The following DGKG variants were observed in gnomAD, a reference collection of about 807,000 sequenced individuals.
The protein encoded by DGKG is diacylglycerol kinase gamma.
A neutral mutation model predicts 105.3 loss-of-function variants in DGKG; 78 were observed. The ratio of observed to expected loss-of-function variants is 0.74; its 90% CI spans 0.62 to 0.89. The LOEUF is 0.89. DGKG is among the 40% of genes least tolerant of loss of function. The pLI is 0.00. For synonymous variants in DGKG, 346 were observed against 367.1 expected (o/e 0.94, Z 0.66); for missense variants, 958 against 1,020.1 (o/e 0.94, Z 0.83).
chr3:186,220,736 T>A (rs2108529030), intron 20 of DGKG, among the ~76,000 whole-genome samples: 1 of 152,148 alleles, frequency 6.6e-6, no homozygotes, highest in Non-Finnish European at 1.5e-5. Context: ...TGTCCCAGAG[T>A]AACAAAGGGC....
intron 5 of DGKG, among the ~76,000 whole-genome samples, chr3:186,295,389 C>T (rs1723500844): frequency 6.6e-6 from 1 of 151,900 alleles, no homozygotes; most frequent in African/African-American, 2.4e-5. Context: ...GTAGTCCCAG[C>T]TACTCGAGAG....
At chr3:186,175,939 A>G (rs1578623691) in intron 22 of DGKG, among the ~76,000 whole-genome samples, 1 of 152,340 alleles carries the variant, frequency 6.6e-6, no homozygotes, top group East Asian at 1.9e-4. Context: ...CTCAGAGGCT[A>G]AGAAACTTGC....
chr3:186,162,790 C>A (rs1716362504), intron 23 of DGKG, among the ~76,000 whole-genome samples: 1 of 152,158 alleles, frequency 6.6e-6, no homozygotes, highest in Non-Finnish European at 1.5e-5. Context: ...GATCTGCCTG[C>A]CTTGGCCTCC....
At chr3:186,180,217 G>A (rs1051939817) in intron 22 of DGKG, among the ~76,000 whole-genome samples, 4 of 152,166 alleles carry the variant, frequency 2.6e-5, no homozygotes, top group African/African-American at 9.7e-5. Context: ...GGTACGGGGA[G>A]GAGGCAGTGT....
chr3:186,236,526 G>A (rs563611903), intron 20 of DGKG, among the ~76,000 whole-genome samples: 9 of 152,280 alleles, frequency 5.9e-5, no homozygotes, highest in East Asian at 5.8e-4. Flanking sequence ...GCTAATAAGC[G>A]GCAAAGCCAA....
chr3:186,181,615 C>A (rs1020476903), intron 22 of DGKG, among the ~76,000 whole-genome samples: 4 of 152,168 alleles, frequency 2.6e-5, no homozygotes, highest in African/African-American at 7.2e-5. Context: ...CACCTGTAAT[C>A]CCAGCTACCT....
chr3:186,291,653 G>A (rs1435193644), intron 5 of DGKG, among the ~76,000 whole-genome samples: 2 of 145,556 alleles, frequency 1.4e-5, no homozygotes, highest in East Asian at 4.6e-4. Context: ...AGTAGAGAGT[G>A]TATGATAACA....
chr3:186,259,409 G>A (rs1408897145), intron 16 of DGKG, among the ~76,000 whole-genome samples: 2 of 152,198 alleles, frequency 1.3e-5, no homozygotes, highest in Non-Finnish European at 2.9e-5. Flanking sequence ...GGTGTACAGA[G>A]GTGGGCTCTG....
chr3:186,247,235 C>T (rs768020769), intron 19 of DGKG, among the ~76,000 whole-genome samples: 5 of 152,172 alleles, frequency 3.3e-5, no homozygotes, highest in Non-Finnish European at 5.9e-5. Flanking sequence ...GGCACAGTCA[C>T]TCCCTGGAGA....
At chr3:186,338,169 C>CAA (rs34436386) in intron 1 of DGKG, among the ~76,000 whole-genome samples, 2,145 of 75,696 alleles carry the variant, frequency 0.028, 73 homozygotes, top group African/African-American at 0.086. Context: ...GACCCTATCT[C>CAA]AAAAAAAAAA....
intron 20 of DGKG, among the ~76,000 whole-genome samples, chr3:186,218,705 T>C (rs1719425567): frequency 6.6e-6 from 1 of 152,072 alleles, no homozygotes. Context: ...AAATATATTT[T>C]CATGTAAAAT....
chr3:186,238,527 G>A (rs1035112654), intron 20 of DGKG, among the ~76,000 whole-genome samples: 8 of 151,936 alleles, frequency 5.3e-5, no homozygotes, highest in Admixed American at 6.6e-5. Flanking sequence ...TGAAGGCAGG[G>A]GCCACATCTT....
intron 1 of DGKG, among the ~76,000 whole-genome samples, chr3:186,349,995 A>G (rs1726549798): frequency 6.6e-6 from 1 of 151,546 alleles, no homozygotes; most frequent in South Asian, 2.1e-4. Context: ...AGCGATTCTC[A>G]TGCCTCAGCC....
Position 186,355,468 on chromosome 3 carries a change from AC to A in DGKG, c.-249+6477del, listed in dbSNP as rs1329115731. 2.0e-5 allele frequency among the ~76,000 whole-genome samples: 3 copies of A among 148,782 alleles called. No individual in the cohort carries two copies. The East Asian group carries it at 6.0e-4, about 30-fold the overall frequency. On this transcript the variant is annotated intron_variant, in intron 1 of 24. Transcript: ENST00000265022. Reference sequence around the variant, plus strand: ...TATGATCATCACCACCATTATCATAACCCCCACAACCACTACCATCACCACT... The same window carrying A: ...TATGATCATCACCACCATTATCATAACCCCACAACCACTACCATCACCACT...
At chr3:186,158,018 A>C (rs1310543507) in intron 24 of DGKG, 1 of 261,068 alleles carries the variant, frequency 3.8e-6, no homozygotes, top group African/African-American at 2.3e-5. Flanking sequence ...TTATATTTAA[A>C]TAAAGCCACG....
intron 20 of DGKG, among the ~76,000 whole-genome samples, chr3:186,234,862 A>G (rs1720337855): frequency 6.6e-6 from 1 of 152,228 alleles, no homozygotes; most frequent in African/African-American, 2.4e-5. Flanking sequence ...TAGGGCAGGG[A>G]GAACTGCATA....
At chr3:186,247,991 CCCTTCCTTCCTT>C (rs561438259) in intron 19 of DGKG, among the ~76,000 whole-genome samples, 1 of 150,936 alleles carries the variant, frequency 6.6e-6, no homozygotes, top group Non-Finnish European at 1.5e-5. Flanking sequence ...CTTCCTTCCT[CCCTTCCTTCCTT>C]CCTTCCTCCC....
intron 21 of DGKG, among the ~76,000 whole-genome samples, chr3:186,206,399 AAAAC>A (rs1718738825): frequency 6.7e-6 from 1 of 149,244 alleles, no homozygotes; most frequent in Non-Finnish European, 1.5e-5. Flanking sequence ...AAAACAAAAC[AAAAC>A]AAAAAAACAA....
intron 24 of DGKG, among the ~76,000 whole-genome samples, chr3:186,156,315 A>G (rs1357366711): frequency 6.6e-6 from 1 of 152,118 alleles, no homozygotes; most frequent in Non-Finnish European, 1.5e-5. Context: ...GAGGTTCTAT[A>G]TAAAGACATT....
Sources: allele counts gnomAD v4.1 joint callset (sites outside exome capture counted in the v4.1 genomes callset), GRCh38; gene constraint gnomAD v4.1.1; transcripts MANE v1.5; gene names NCBI Gene and HGNC (gene_info 2026-07-23, HGNC 2026-07-21).